WWC2: variants seen among roughly 807,000 people sequenced by gnomAD.
The protein encoded by WWC2 is WW and C2 domain containing 2.
A neutral mutation model predicts 138.5 loss-of-function variants in WWC2; 101 were observed. That is an observed-to-expected ratio of 0.73 (90% CI 0.62 to 0.86). The LOEUF (loss-of-function observed/expected upper bound fraction) is 0.86. Among genes scored for constraint, WWC2 ranks in the 40% least tolerant of loss-of-function variants. The pLI is 0.00. For missense variants in WWC2, 1,420 were observed against 1,419.4 expected (o/e 1.00, Z -0.01); for synonymous variants, 558 against 538.4 (o/e 1.04, Z -0.50).
chr4:183,246,266 C>T (rs182878115), intron 6 of WWC2, among the ~76,000 whole-genome samples: 14 of 152,256 alleles, frequency 9.2e-5, no homozygotes, highest in Non-Finnish European at 1.5e-4. Flanking sequence ...TCCTTCCCTC[C>T]ATCCCAAACA....
intron 1 of WWC2, among the ~76,000 whole-genome samples, chr4:183,122,061 A>C (rs1162249821): frequency 1.3e-5 from 2 of 152,216 alleles, no homozygotes; most frequent in Non-Finnish European, 2.9e-5. Flanking sequence ...CAGGGATTAC[A>C]GGCGTGAGCC....
intron 9 of WWC2, among the ~76,000 whole-genome samples, chr4:183,257,528 C>T (rs1001689569): frequency 2.6e-5 from 4 of 152,154 alleles, no homozygotes; most frequent in African/African-American, 7.2e-5. Context: ...AACCCTTTCT[C>T]ATCCAGCAGA....
chr4:183,281,185 A>G, intron 17 of WWC2: 1 of 441,372 alleles, frequency 2.3e-6, no homozygotes, highest in Non-Finnish European at 3.9e-6. Flanking sequence ...TTGATTTTGA[A>G]AGGTATGGTA....
chr4:183,303,883 C>G (rs981485329), intron 21 of WWC2, among the ~76,000 whole-genome samples: 1 of 151,438 alleles, frequency 6.6e-6, no homozygotes, highest in African/African-American at 2.4e-5. Context: ...ATCTCGAAAT[C>G]TAGTATAGCC....
intron 9 of WWC2, among the ~76,000 whole-genome samples, chr4:183,256,694 T>G (rs1737152828): frequency 6.6e-6 from 1 of 152,182 alleles, no homozygotes; most frequent in Non-Finnish European, 1.5e-5. Context: ...TCCTTCCTTT[T>G]CTTCTTGGTA....
At chr4:183,120,411 A>C (rs1216524488) in intron 1 of WWC2, among the ~76,000 whole-genome samples, 4 of 152,220 alleles carry the variant, frequency 2.6e-5, no homozygotes, top group African/African-American at 9.6e-5. Context: ...GCTGACGTTT[A>C]TGAACTAGAA....
chr4:183,149,621 T>TAA (rs776141200), intron 1 of WWC2, among the ~76,000 whole-genome samples: 2,936 of 134,556 alleles, frequency 0.022, 45 homozygotes, highest in Non-Finnish European at 0.034. Context: ...AAACTCTGTC[T>TAA]AAAAAAAAAA....
intron 6 of WWC2, among the ~76,000 whole-genome samples, chr4:183,247,559 A>G (rs1196440027): frequency 3.5e-5 from 5 of 141,020 alleles, no homozygotes; most frequent in Admixed American, 3.0e-4. Context: ...TACTGTATAT[A>G]CTATATATGC....
chr4:183,187,196 G>C (rs1008226908), intron 1 of WWC2, among the ~76,000 whole-genome samples: 1 of 151,918 alleles, frequency 6.6e-6, no homozygotes, highest in Non-Finnish European at 1.5e-5. Flanking sequence ...TTTGTGACAC[G>C]TTTTACGTTT....
At chr4:183,133,361 A>G (rs1334719319) in intron 1 of WWC2, among the ~76,000 whole-genome samples, 1 of 151,966 alleles carries the variant, frequency 6.6e-6, no homozygotes, top group African/African-American at 2.4e-5. Context: ...ATAGGATGCC[A>G]TAGATTAAGA....
chr4:183,180,488 T>C (rs1216627468), intron 1 of WWC2, among the ~76,000 whole-genome samples: 3 of 150,948 alleles, frequency 2.0e-5, no homozygotes, highest in African/African-American at 7.4e-5. Context: ...TTGAAGTCTA[T>C]TTTATTTTAT....
chr4:183,149,838 C>G (rs939162944), intron 1 of WWC2, among the ~76,000 whole-genome samples: 25 of 152,048 alleles, frequency 1.6e-4, no homozygotes, highest in African/African-American at 6.0e-4. Flanking sequence ...CTGTCTAGAT[C>G]CGTGAATTAA....
intron 1 of WWC2, among the ~76,000 whole-genome samples, chr4:183,184,611 C>A (rs1734738603): frequency 6.6e-6 from 1 of 152,138 alleles, no homozygotes; most frequent in South Asian, 2.1e-4. Context: ...GTACAGAGTT[C>A]CCATTGCTCC....
chr4:183,152,973 G>A (rs1055716584), intron 1 of WWC2, among the ~76,000 whole-genome samples: 19 of 152,132 alleles, frequency 1.2e-4, no homozygotes, highest in African/African-American at 4.1e-4. Flanking sequence ...ACAGCTTACT[G>A]CAGCCTTGAA....
intron 1 of WWC2, among the ~76,000 whole-genome samples, chr4:183,122,767 A>G (rs1025481043): frequency 1.3e-5 from 2 of 151,896 alleles, no homozygotes; most frequent in Non-Finnish European, 2.9e-5. Flanking sequence ...GATCCACCCA[A>G]CTTGGCCCCC....
At chr4:183,138,287 T>A (rs1158905805) in intron 1 of WWC2, among the ~76,000 whole-genome samples, 1 of 152,154 alleles carries the variant, frequency 6.6e-6, no homozygotes, top group African/African-American at 2.4e-5. Flanking sequence ...TACTTTACCA[T>A]TATAAGAGGA....
intron 1 of WWC2, among the ~76,000 whole-genome samples, chr4:183,174,730 A>G (rs1370916562): frequency 6.6e-6 from 1 of 152,070 alleles, no homozygotes; most frequent in Non-Finnish European, 1.5e-5. Flanking sequence ...CTGCTCTTAG[A>G]TCTGACAATT....
At chr4:183,190,031 AG>A (rs1734948158) in intron 1 of WWC2, among the ~76,000 whole-genome samples, 1 of 152,250 alleles carries the variant, frequency 6.6e-6, no homozygotes, top group Non-Finnish European at 1.5e-5. Context: ...ACGTTGGCAA[AG>A]TGCTGCAGTA....
Position 183,240,269 on chromosome 4 carries a change from A to G in WWC2, c.602+7A>G, listed in dbSNP as rs1170766709. The G allele has an allele frequency of 6.5e-7, 1 of 1,543,652 alleles. No individual in the cohort carries two copies. Among genetic ancestry groups the G allele is most frequent in the Non-Finnish European group, 8.7e-7 (1 of 1,144,710 alleles). ...GCTTTGAAACATTGCAGCAGTGAGT[A>G]TGAAAAGACTGAATCAACTTTAGAA... On this transcript the variant is annotated splice_region_variant and intron_variant, in intron 5 of 22. Transcript: ENST00000403733.
Sources: allele counts gnomAD v4.1 joint callset (sites outside exome capture counted in the v4.1 genomes callset), GRCh38; gene constraint gnomAD v4.1.1; transcripts MANE v1.5; gene names NCBI Gene and HGNC (gene_info 2026-07-23, HGNC 2026-07-21).